FER1L6: variants seen among roughly 807,000 people sequenced by gnomAD.
FER1L6 encodes the protein fer-1-like protein 6.
Under a neutral mutation model 219.2 loss-of-function variants are expected in FER1L6, and 177 were observed. The observed-to-expected ratio is 0.81, with a 90% CI of 0.71 to 0.91. The LOEUF (loss-of-function observed/expected upper bound fraction) is 0.91. FER1L6 is among the 40% of genes least tolerant of loss of function. The pLI is 0.00. For missense variants in FER1L6, 2,153 were observed against 2,259.9 expected (o/e 0.95, Z 0.96); for synonymous variants, 768 against 824.3 (o/e 0.93, Z 1.17).
At chr8:123,962,535 T>C (rs1289648305) in intron 2 of FER1L6, among the ~76,000 whole-genome samples, 1 of 151,980 alleles carries the variant, frequency 6.6e-6, no homozygotes, top group African/African-American at 2.4e-5. Context: ...GCTGGTCAGT[T>C]GTTGTGTCTA....
chr8:123,898,739 T>C (rs1812797044), intron 1 of FER1L6, among the ~76,000 whole-genome samples: 2 of 141,880 alleles, frequency 1.4e-5, no homozygotes, highest in African/African-American at 2.6e-5. Context: ...ATAGTATATA[T>C]ACATATATAC....
intron 33 of FER1L6, among the ~76,000 whole-genome samples, chr8:124,090,782 T>A (rs963873530): frequency 6.6e-6 from 1 of 152,176 alleles, no homozygotes; most frequent in African/African-American, 2.4e-5. Context: ...TATCACTGAT[T>A]AGAGAAACAA....
intron 11 of FER1L6, among the ~76,000 whole-genome samples, chr8:123,982,261 G>A (rs1229487864): frequency 6.6e-6 from 1 of 152,100 alleles, no homozygotes; most frequent in Non-Finnish European, 1.5e-5. Context: ...CCTGCTGTGG[G>A]TTGAAGCTGT....
intron 2 of FER1L6, among the ~76,000 whole-genome samples, chr8:123,960,273 G>C (rs531893304): frequency 1.3e-5 from 2 of 152,112 alleles, no homozygotes; most frequent in African/African-American, 4.8e-5. Context: ...TATTAGGAAG[G>C]CTCAGCCACT....
chr8:124,106,328 C>CAAAAAA (rs71289636), intron 39 of FER1L6, among the ~76,000 whole-genome samples: 11 of 63,858 alleles, frequency 1.7e-4, no homozygotes, highest in African/African-American at 4.5e-4. Flanking sequence ...GACTCTGTCT[C>CAAAAAA]AAAAAAAAAA....
At chr8:123,948,866 T>C (rs1158736942) in intron 1 of FER1L6, among the ~76,000 whole-genome samples, 1 of 152,168 alleles carries the variant, frequency 6.6e-6, no homozygotes, top group Non-Finnish European at 1.5e-5. Flanking sequence ...TCAAGGACTT[T>C]TGTAAATATT....
intron 18 of FER1L6, among the ~76,000 whole-genome samples, chr8:124,035,016 G>A (rs1023502692): frequency 1.2e-4 from 18 of 152,188 alleles, no homozygotes; most frequent in Admixed American, 9.8e-4. Context: ...AAGTTTAAAT[G>A]ACCCACGGCT....
chr8:123,943,374 C>T (rs1395690176), intron 1 of FER1L6, among the ~76,000 whole-genome samples: 1 of 152,052 alleles, frequency 6.6e-6, no homozygotes, highest in Non-Finnish European at 1.5e-5. Context: ...ATTGGCGGCC[C>T]CTCCTCTCAA....
At chr8:123,883,372 A>G (rs1456682954) in intron 1 of FER1L6, among the ~76,000 whole-genome samples, 1 of 152,220 alleles carries the variant, frequency 6.6e-6, no homozygotes, top group Non-Finnish European at 1.5e-5. Flanking sequence ...ATCACAGCCT[A>G]GAGGAATCTA....
intron 1 of FER1L6, among the ~76,000 whole-genome samples, chr8:123,877,332 A>G (rs1259450659): frequency 6.6e-6 from 1 of 152,104 alleles, no homozygotes; most frequent in African/African-American, 2.4e-5. Context: ...TCCATGTCCT[A>G]TTTCCTCTGT....
chr8:124,115,936 A>G (rs1272380205), intron 39 of FER1L6, among the ~76,000 whole-genome samples: 1 of 152,234 alleles, frequency 6.6e-6, no homozygotes, highest in Non-Finnish European at 1.5e-5. Flanking sequence ...CTATAATATT[A>G]AGCTATCCAA....
At chr8:124,115,108 G>A (rs1223309561) in intron 39 of FER1L6, among the ~76,000 whole-genome samples, 2 of 151,210 alleles carry the variant, frequency 1.3e-5, no homozygotes, top group Non-Finnish European at 2.9e-5. Context: ...TAGGCATGGT[G>A]CAGTTTGGCA....
intron 22 of FER1L6, among the ~76,000 whole-genome samples, chr8:124,054,699 C>T (rs1820201512): frequency 6.6e-6 from 1 of 152,018 alleles, no homozygotes; most frequent in African/African-American, 2.4e-5. Flanking sequence ...AATTCCAGAC[C>T]CTGAAGCCTC....
intron 18 of FER1L6, among the ~76,000 whole-genome samples, chr8:124,024,872 T>G (rs2130651052): frequency 6.6e-6 from 1 of 152,286 alleles, no homozygotes; most frequent in East Asian, 1.9e-4. Context: ...ACATCTATTG[T>G]TTTTTGACTT....
intron 1 of FER1L6, among the ~76,000 whole-genome samples, chr8:123,927,320 T>C (rs1159913284): frequency 2.0e-5 from 3 of 152,082 alleles, no homozygotes; most frequent in South Asian, 2.1e-4. Flanking sequence ...TCAGTAACAA[T>C]AGCAAATGCA....
intron 11 of FER1L6, chr8:123,985,234 G>T (rs1428808346): frequency 6.6e-6 from 1 of 152,094 alleles, no homozygotes; most frequent in East Asian, 1.9e-4. Context: ...AGTTTATTCA[G>T]GTAAAATGTG....
chr8:124,025,435 A>G (rs183987031), intron 18 of FER1L6, among the ~76,000 whole-genome samples: 1 of 152,260 alleles, frequency 6.6e-6, no homozygotes, highest in East Asian at 1.9e-4. Context: ...TTGATAAGGC[A>G]TCCTTTCTCC....
At chr8:123,964,916 C>A (rs1350083496) in intron 3 of FER1L6, among the ~76,000 whole-genome samples, 1 of 152,174 alleles carries the variant, frequency 6.6e-6, no homozygotes, top group Non-Finnish European at 1.5e-5. Context: ...CTTCTGTCTT[C>A]TCTCCCATGG....
At chr8:123,908,733 G>GT (rs1813001696) in intron 1 of FER1L6, among the ~76,000 whole-genome samples, 1 of 152,188 alleles carries the variant, frequency 6.6e-6, no homozygotes, top group Admixed American at 6.5e-5. Context: ...GATGCTATAG[G>GT]TAGAGGCAAC....
Sources: allele counts gnomAD v4.1 joint callset (sites outside exome capture counted in the v4.1 genomes callset), GRCh38; gene constraint gnomAD v4.1.1; transcripts MANE v1.5; gene names NCBI Gene and HGNC (gene_info 2026-07-23, HGNC 2026-07-21).